The following USO1 variants were observed in gnomAD, a reference collection of about 807,000 sequenced individuals.
The protein encoded by USO1 is general vesicular transport factor p115.
In USO1, 57 loss-of-function variants were observed where a neutral mutation model predicts 124.5. That is an observed-to-expected ratio of 0.46 (90% confidence interval 0.37 to 0.57). The LOEUF (loss-of-function observed/expected upper bound fraction) is 0.57. USO1 is among the 20% of genes least tolerant of loss of function. The pLI is 0.00. For synonymous variants in USO1, 369 were observed against 362.8 expected (o/e 1.02, Z -0.19); for missense variants, 900 against 1,040.6 (o/e 0.86, Z 1.86).
At chr4:75,791,844 A>G (rs1722541241) in intron 12 of USO1, among the ~76,000 whole-genome samples, 1 of 152,156 alleles carries the variant, frequency 6.6e-6, no homozygotes, top group Non-Finnish European at 1.5e-5. Context: ...ATTATTGATC[A>G]TTAATGAAAA....
chr4:75,783,567 A>G (rs919976963), intron 9 of USO1, among the ~76,000 whole-genome samples: 6 of 152,142 alleles, frequency 3.9e-5, no homozygotes, highest in African/African-American at 1.4e-4. Context: ...ATGAACTCAT[A>G]ATTCTTGTGG....
intron 5 of USO1, 38 bp downstream of exon 5, chr4:75,770,577 AGCTGCTTTT>A: frequency 6.5e-7 from 1 of 1,531,972 alleles, no homozygotes; most frequent in Non-Finnish European, 8.8e-7. Flanking sequence ...CATCTTAATA[AGCTGCTTTT>A]GTTGCCTTTT....
At position 75,793,862 on chromosome 4, in the gene USO1, A is replaced by T. The variant is rs1372394007; in HGVS notation, c.1413A>T (p.Pro471=). ...VQLATSIGNP[P]VSLLQQCTNI... The stretch of plus-strand genomic sequence containing the variant: ...TTGCTACAAGTATTGGCAACCCTCC[A>T]GTTTCTTTACTTCAACAGTGCACCA... The change falls in exon 13 of 24, where the codon CCA becomes CCT. Residue 471 remains proline, a synonymous_variant. Coordinates refer to ENST00000514213, the MANE Select transcript of USO1 (RefSeq NM_003715.4). The T allele has an allele frequency of 6.2e-7, 1 of 1,614,022 alleles. No individual in the cohort carries two copies. The highest frequency in any genetic ancestry group is 8.5e-7 in the Non-Finnish European group (1 of 1,179,882).
At chr4:75,759,407 A>G (rs550254472) in intron 4 of USO1, among the ~76,000 whole-genome samples, 166 of 151,680 alleles carry the variant, frequency 1.1e-3, no homozygotes, top group African/African-American at 3.7e-3. Flanking sequence ...CAGCCTGGCC[A>G]ACATGGTGAA....
Position 75,787,164 on chromosome 4 carries a change from C to T in USO1, c.958C>T (p.Leu320=). ...CGLLQQLCTI[L]MATGVPADIL... is the part of the protein sequence containing the mutation. The stretch of plus-strand genomic sequence containing the variant: ...GTTATTGCAGCAGCTTTGTACTATC[C>T]TAATGGCTACTGGGGTTCCTGCTGA... The change falls in exon 10 of 24, where the codon CTA becomes TTA. Residue 320 remains leucine (L), a synonymous_variant. Coordinates refer to ENST00000514213, the MANE Select transcript of USO1 (RefSeq NM_003715.4). 6.3e-7 allele frequency: 1 copy of T among 1,584,900 alleles called. No individual in the cohort carries two copies. The highest frequency in any genetic ancestry group is 1.7e-4 in the Middle Eastern group (1 of 5,990).
chr4:75,743,803 G>A (rs1721035350), intron 1 of USO1, among the ~76,000 whole-genome samples: 1 of 152,014 alleles, frequency 6.6e-6, no homozygotes, highest in African/African-American at 2.4e-5. Flanking sequence ...TTGAGACAGA[G>A]TCTCGCTCTG....
intron 10 of USO1, among the ~76,000 whole-genome samples, chr4:75,788,171 A>AT (rs11291010): frequency 0.013 from 1,560 of 123,224 alleles, 39 homozygotes; most frequent in African/African-American, 0.044. Flanking sequence ...TTATTTATTT[A>AT]TTTTTTTTTT....
At chr4:75,752,001 T>C (rs1721309403) in intron 1 of USO1, among the ~76,000 whole-genome samples, 1 of 152,188 alleles carries the variant, frequency 6.6e-6, no homozygotes, top group East Asian at 1.9e-4. Flanking sequence ...AATTACTATT[T>C]TAAAAATTTT....
At chr4:75,739,932 G>C (rs1302522556) in intron 1 of USO1, among the ~76,000 whole-genome samples, 1 of 152,170 alleles carries the variant, frequency 6.6e-6, no homozygotes, top group African/African-American at 2.4e-5. Flanking sequence ...AGAAGGCTGT[G>C]ATGTTCCTTA....
intron 4 of USO1, chr4:75,760,694 C>A: frequency 2.5e-6 from 1 of 394,736 alleles, no homozygotes; most frequent in South Asian, 1.3e-4. Context: ...TTTCTTCTGG[C>A]TGGTAAAAAA....
chr4:75,775,346 C>T (rs998272751), intron 8 of USO1, among the ~76,000 whole-genome samples: 1 of 152,024 alleles, frequency 6.6e-6, no homozygotes, highest in African/African-American at 2.4e-5. Flanking sequence ...CGAGACCAGT[C>T]GGGCCAACAT....
At position 75,774,766 on chromosome 4, in the gene USO1, A is replaced by G; in HGVS notation, c.646A>G (p.Ile216Val). 1 of 1,613,676 alleles carries G rather than the reference A, an allele frequency of 6.2e-7. No homozygotes were observed. Among genetic ancestry groups the G allele is most frequent in the Non-Finnish European group, 8.5e-7 (1 of 1,179,706 alleles). The change falls in exon 8 of 24, where the codon ATT becomes GTT. Residue 216 changes from isoleucine to valine, a missense_variant. Ile to Val is a conservative substitution (Grantham distance 29). Transcript: ENST00000514213. Reference protein sequence around the residue: ...FENAFERLLDIISEEGNSDGG... With the variant: ...FENAFERLLDVISEEGNSDGG... ...AAATGCTTTCGAGAGACTACTGGACATTATTTCAGAGGAGGGGAACAGTGA... is the reference window on the plus strand; with the variant it reads ...AAATGCTTTCGAGAGACTACTGGACGTTATTTCAGAGGAGGGGAACAGTGA...
chr4:75,780,008 A>G (rs985772611), intron 8 of USO1, among the ~76,000 whole-genome samples: 3 of 152,142 alleles, frequency 2.0e-5, no homozygotes, highest in Admixed American at 6.6e-5. Context: ...TGAAAATCCT[A>G]GGACCCTTAA....
intron 7 of USO1, among the ~76,000 whole-genome samples, chr4:75,773,157 CTT>C (rs1376495324): frequency 1.3e-5 from 2 of 152,066 alleles, no homozygotes; most frequent in Non-Finnish European, 2.9e-5. Context: ...TCCTTTAACT[CTT>C]TACCTTTTTA....
At chr4:75,759,761 T>C (rs755425282) in intron 4 of USO1, among the ~76,000 whole-genome samples, 12 of 150,608 alleles carry the variant, frequency 8.0e-5, no homozygotes, top group Non-Finnish European at 1.5e-4. Flanking sequence ...ACACAAAAAT[T>C]AGCCAGCCAT....
chr4:75,804,468 C>G (rs192428607), intron 18 of USO1, among the ~76,000 whole-genome samples, 196 bp downstream of exon 18: 2 of 152,150 alleles, frequency 1.3e-5, no homozygotes, highest in African/African-American at 4.8e-5. Flanking sequence ...AGATTGAAGT[C>G]CAAGCTTCTT....
intron 1 of USO1, among the ~76,000 whole-genome samples, chr4:75,733,278 A>G (rs1245673998): frequency 2.0e-5 from 3 of 152,172 alleles, no homozygotes; most frequent in Non-Finnish European, 4.4e-5. Context: ...ATTAAAAAAA[A>G]TAAATTAAGT....
At position 75,793,567 on chromosome 4, in the gene USO1, A is replaced by G. The variant is rs1456187842; in HGVS notation, c.1241-123A>G. 6 of 1,271,000 alleles carry G rather than the reference A, an allele frequency of 4.7e-6. No individual in the cohort carries two copies. The South Asian group carries it at 6.3e-5, about 13-fold the overall frequency. 78.7% of individuals were successfully genotyped at this position (1,271,000 alleles called of 1,614,324 possible). ...TATATTTAATACTACTCATTAATAC[A>G]TGTTTAATGATTATATTTAATGGTA... On this transcript the variant is annotated intron_variant, in intron 12 of 23. Transcript: ENST00000514213.
At chr4:75,760,167 G>C (rs1392543982) in intron 4 of USO1, among the ~76,000 whole-genome samples, 2 of 152,046 alleles carry the variant, frequency 1.3e-5, no homozygotes, top group East Asian at 3.9e-4. Context: ...AGCGGAGATC[G>C]CACCATTGTA....
Sources: gnomAD v4.1 joint callset for allele counts (sites outside exome capture counted in the v4.1 genomes callset) on GRCh38, gnomAD v4.1.1 for gene constraint, MANE v1.5 for transcripts, NCBI Gene and HGNC (gene_info 2026-07-23, HGNC 2026-07-21) for gene names.